DICER1: variants seen among roughly 807,000 people sequenced by gnomAD.
The protein encoded by DICER1 is dicer 1, ribonuclease III.
In DICER1, 43 loss-of-function variants were observed where a neutral mutation model predicts 194.1. That is an observed-to-expected ratio of 0.22 (90% confidence interval 0.17 to 0.29). DICER1 has a LOEUF of 0.29. DICER1 is among the 10% of genes least tolerant of loss of function. DICER1 has a pLI of 1.00. For synonymous variants in DICER1, 832 were observed against 820.5 expected, an observed-to-expected ratio of 1.01 and a Z score of -0.24; for missense variants, 1,608 against 2,317.0, an observed-to-expected ratio of 0.69 and a Z score of 6.28.
At chr14:95,146,953 G>A (rs1895176366) in intron 1 of DICER1, among the ~76,000 whole-genome samples, 1 of 152,180 alleles carries the variant, frequency 6.6e-6, no homozygotes, top group African/African-American at 2.4e-5. Context: ...GAAAGGATAA[G>A]AAGGAAAAGG....
intron 10 of DICER1, among the ~76,000 whole-genome samples, chr14:95,116,150 T>C (rs1335782796): frequency 6.6e-6 from 1 of 152,082 alleles, no homozygotes; most frequent in Non-Finnish European, 1.5e-5. Context: ...CTCAATAACT[T>C]AAGCAGTCAA....
chr14:95,146,948 G>T (rs1253216613), intron 1 of DICER1, among the ~76,000 whole-genome samples: 1 of 152,136 alleles, frequency 6.6e-6, no homozygotes, highest in Non-Finnish European at 1.5e-5. Context: ...AGTGAGAAAG[G>T]ATAAGAAGGA....
intron 1 of DICER1, chr14:95,141,879 A>G (rs761507100): frequency 6.6e-6 from 1 of 152,234 alleles, no homozygotes; most frequent in Non-Finnish European, 1.5e-5. Context: ...TGCATGTCTA[A>G]AAGAACTGCC....
intron 1 of DICER1, among the ~76,000 whole-genome samples, chr14:95,154,192 G>A (rs949664365): frequency 6.6e-6 from 1 of 152,186 alleles, no homozygotes; most frequent in African/African-American, 2.4e-5. Context: ...GTAAAAAGGA[G>A]TCGACCCTGG....
intron 1 of DICER1, among the ~76,000 whole-genome samples, chr14:95,152,407 T>TA (rs1191912738): frequency 1.3e-5 from 2 of 152,252 alleles, no homozygotes; most frequent in Non-Finnish European, 2.9e-5. Flanking sequence ...AGCTTCTAAA[T>TA]ACTTCAAAAA....
intron 1 of DICER1, among the ~76,000 whole-genome samples, chr14:95,145,170 T>C (rs142378571): frequency 1.1e-4 from 16 of 152,298 alleles, no homozygotes; most frequent in African/African-American, 3.1e-4. Context: ...TTAACATCAA[T>C]ACAAGCTGTA....
chr14:95,093,193 A>G (rs928306354), intron 24 of DICER1, among the ~76,000 whole-genome samples: 8 of 152,370 alleles, frequency 5.3e-5, no homozygotes, highest in Admixed American at 5.2e-4. Context: ...CTACAAAAAT[A>G]AGAAAATCAA....
intron 22 of DICER1, among the ~76,000 whole-genome samples, chr14:95,097,554 C>A (rs1407342267): frequency 6.6e-6 from 1 of 152,098 alleles, no homozygotes; most frequent in African/African-American, 2.4e-5. Context: ...TAATAATGGG[C>A]TAGATTTCAG....
intron 24 of DICER1, among the ~76,000 whole-genome samples, chr14:95,092,885 C>T (rs950038572): frequency 6.6e-6 from 1 of 152,222 alleles, no homozygotes; most frequent in Non-Finnish European, 1.5e-5. Context: ...CCCGCCTTCT[C>T]GCCTCACAGC....
chr14:95,125,538 G>A (rs1445112217), intron 7 of DICER1, among the ~76,000 whole-genome samples: 1 of 112,338 alleles, frequency 8.9e-6, no homozygotes, highest in African/African-American at 3.5e-5. Flanking sequence ...GGGAGAGAGG[G>A]AGAGGGAGAA....
In DICER1 at chr14:95,089,998, C is replaced by T. The variant is rs138226643; in HGVS notation, c.*500G>A. The T allele has an allele frequency of 4.0e-4, 111 of 278,478 alleles. No individual in the cohort carries two copies. Among genetic ancestry groups the T allele is most frequent in the African/African-American group, 2.3e-3 (106 of 45,782 alleles). The allele number at this position is 278,478 out of a possible 1,614,324, so 17.3% of individuals were successfully genotyped here. ...AGTATAACGTGGAAAGAAAAGACAA[C>T]ATTGGCGCACTTCTCCTCTCGAAAA... On this transcript the variant is annotated 3_prime_UTR_variant, in exon 27 of 27. Transcript: ENST00000343455.
chr14:95,127,374 C>T (rs1893564803), intron 6 of DICER1, among the ~76,000 whole-genome samples: 1 of 152,222 alleles, frequency 6.6e-6, no homozygotes, highest in Non-Finnish European at 1.5e-5. Flanking sequence ...TTTATCTGCA[C>T]AGGTTGAGTG....
chr14:95,107,586 T>G (rs1379863068), intron 17 of DICER1, 22 bp downstream of exon 17: 2 of 1,613,206 alleles, frequency 1.2e-6, no homozygotes, highest in Non-Finnish European at 1.7e-6. Flanking sequence ...ACCACCATTT[T>G]CCTTTCCATT....
chr14:95,098,329 G>C (rs1173896619), intron 22 of DICER1, among the ~76,000 whole-genome samples: 1 of 152,202 alleles, frequency 6.6e-6, no homozygotes, highest in East Asian at 1.9e-4. Flanking sequence ...AGCATGCAAA[G>C]GTTTCCACTT....
chr14:95,147,414 C>A (rs1351549035), intron 1 of DICER1, among the ~76,000 whole-genome samples: 2 of 152,146 alleles, frequency 1.3e-5, no homozygotes, highest in Non-Finnish European at 2.9e-5. Flanking sequence ...GAGCCATGAT[C>A]ACACCACTGC....
rs2139960423 is a variant in DICER1 at position 95,103,637 on chromosome 14, A to G, written c.3759T>C (p.Asp1253=). 4.3e-6 allele frequency: 7 copies of G among 1,614,100 alleles called. No homozygotes were observed. In the East Asian group the frequency reaches 1.3e-4, roughly 31 times the overall value. Residue 1253 remains aspartate, a synonymous_variant, in exon 21 of 27, where the codon GAT becomes GAC. Transcript: ENST00000343455. ...LDGNANKSTS[D]GSPVMAVMPG... ...GCATTACGGCCATCACAGGACTTCC[A>G]TCTGAGGTAGATTTGTTAGCATTTC...
Position 95,113,240 on chromosome 14 carries a change from A to G in DICER1, c.1908-16T>C. The G allele has an allele frequency of 6.2e-7, 1 of 1,612,444 alleles. No homozygotes were observed. Among genetic ancestry groups the G allele is most frequent in the Non-Finnish European group, 8.5e-7 (1 of 1,178,466 alleles). On this transcript the variant is annotated splice_polypyrimidine_tract_variant and intron_variant, in intron 11 of 26. Transcript: ENST00000343455. The stretch of plus-strand genomic sequence containing the variant: ...AGCACAGTATCTGTGAAGAAAAAGA[A>G]ATTCTGAGGCTGAATCTACAACTGA...
At position 95,096,348 on chromosome 14, in the gene DICER1, C is replaced by T. The variant is rs2139847959; in HGVS notation, c.4572G>A (p.Val1524=). Residue 1524 remains valine, a synonymous_variant, in exon 23 of 27, where the codon GTG becomes GTA. Coordinates refer to ENST00000343455, the MANE Select transcript of DICER1 (RefSeq NM_177438.3). The part of the protein sequence containing the change: ...PSKAVEEDDF[V]VGFWNPSEEN... Reference sequence around the variant, plus strand: ...CTTCTGATGGATTCCAGAACCCCACCACAAAGTCATCTTCTTCAACAGCTT... The same window carrying T: ...CTTCTGATGGATTCCAGAACCCCACTACAAAGTCATCTTCTTCAACAGCTT... 6.2e-7 allele frequency: 1 copy of T among 1,614,218 alleles called. No individual in the cohort carries two copies. The highest frequency in any genetic ancestry group is 1.1e-5 in the South Asian group (1 of 91,086).
At chr14:95,137,551 G>C (rs902392546) in intron 1 of DICER1, among the ~76,000 whole-genome samples, 2 of 149,808 alleles carry the variant, frequency 1.3e-5, no homozygotes, top group Non-Finnish European at 3.0e-5. Context: ...AAAAGGGGAA[G>C]GGAATGGAGA....
Sources: allele counts gnomAD v4.1 joint callset (sites outside exome capture counted in the v4.1 genomes callset), GRCh38; gene constraint gnomAD v4.1.1; transcripts MANE v1.5; gene names NCBI Gene and HGNC (gene_info 2026-07-23, HGNC 2026-07-21).